Variants in COL22A1 observed in about 807,000 individuals in gnomAD.
COL22A1 encodes the protein collagen alpha-1(XXII) chain.
COL22A1 carries 221 observed loss-of-function variants against 248.9 expected under a neutral mutation model. The observed-to-expected ratio is 0.89, with a 90% confidence interval of 0.80 to 0.99. The LOEUF (loss-of-function observed/expected upper bound fraction) is 0.99, where lower values mean the gene tolerates loss of function less well. Ranked by LOEUF, COL22A1 falls within the 50% of genes least tolerant of loss-of-function variation. The pLI is 0.00. For synonymous variants in COL22A1, 891 were observed against 793.4 expected, an observed-to-expected ratio of 1.12 and a Z score of -2.07; for missense variants, 2,240 against 2,179.0, an observed-to-expected ratio of 1.03 and a Z score of -0.56.
At chr8:138,707,436 T>A (rs185565443) in intron 30 of COL22A1, among the ~76,000 whole-genome samples, 49 of 152,250 alleles carry the variant, frequency 3.2e-4, no homozygotes, top group African/African-American at 1.2e-3. Context: ...AGCTTATCCA[T>A]CATGATCAAA....
chr8:138,871,700 A>G (rs1236491217), intron 3 of COL22A1, among the ~76,000 whole-genome samples: 1 of 152,222 alleles, frequency 6.6e-6, no homozygotes, highest in East Asian at 1.9e-4. Flanking sequence ...TGAAAAAATA[A>G]GTCAATAATA....
At chr8:138,900,127 C>T (rs183616651) in intron 1 of COL22A1, among the ~76,000 whole-genome samples, 45 of 152,298 alleles carry the variant, frequency 3.0e-4, no homozygotes, top group African/African-American at 1.1e-3. Flanking sequence ...AAAGACTATA[C>T]CGCCCAGAAG....
chr8:138,877,778 C>G lies in COL22A1; in HGVS notation c.630G>C (p.Arg210=). 1.9e-6 allele frequency: 3 copies of G among 1,602,628 alleles called. No homozygotes were observed. Among genetic ancestry groups the G allele is most frequent in the Non-Finnish European group, 2.6e-6 (3 of 1,174,356 alleles). Residue 210 remains arginine (R), a synonymous_variant, in exon 3 of 65, where the codon CGG becomes CGC. Transcript: ENST00000303045. ...VSDFNAIDKI[R]GKLRRRLCEN... ...CACAAAGACGGCGCCGCAGCTTGCC[C>G]CGGATCTTGTCGATGGCATTGAAGT...
intron 10 of COL22A1, among the ~76,000 whole-genome samples, chr8:138,807,084 GA>G (rs1817789992): frequency 6.6e-6 from 1 of 152,194 alleles, no homozygotes; most frequent in East Asian, 1.9e-4. Flanking sequence ...AGAGAGAGAT[GA>G]AAAGAGATAC....
chr8:138,749,411 T>C (rs545751478), intron 22 of COL22A1, among the ~76,000 whole-genome samples: 1 of 152,346 alleles, frequency 6.6e-6, no homozygotes, highest in South Asian at 2.1e-4. Flanking sequence ...CATCTAACTC[T>C]ACTTTGGAAA....
At chr8:138,731,832 C>A (rs1563681638) in intron 23 of COL22A1, among the ~76,000 whole-genome samples, 1 of 152,144 alleles carries the variant, frequency 6.6e-6, no homozygotes, top group Non-Finnish European at 1.5e-5. Context: ...ACTTCAGCAT[C>A]TTCCATGGCC....
chr8:138,798,145 T>C (rs1291612789), intron 11 of COL22A1, among the ~76,000 whole-genome samples: 2 of 151,360 alleles, frequency 1.3e-5, no homozygotes, highest in Non-Finnish European at 3.0e-5. Context: ...TTTGTTGTTG[T>C]ACAAATAGGT....
In COL22A1 at chr8:138,604,144, G is replaced by A. The variant is rs139532696; in HGVS notation, c.4140+590C>T. On this transcript the variant is annotated intron_variant, in intron 59 of 64. Transcript: ENST00000303045. ...GAGCCCTTGGAAAAGAACTTGGCACGTCTCAGGAGCTAAGAGGCCAGTGAC... is the reference window on the plus strand; with the variant it reads ...GAGCCCTTGGAAAAGAACTTGGCACATCTCAGGAGCTAAGAGGCCAGTGAC... 1.5e-3 allele frequency among the ~76,000 whole-genome samples: 223 copies of A among 152,278 alleles called. 3 individuals carry two copies. The highest frequency in any genetic ancestry group is 0.013 in the Admixed American group (204 of 15,300).
chr8:138,734,107 A>C (rs1830923723), intron 23 of COL22A1, among the ~76,000 whole-genome samples: 1 of 152,168 alleles, frequency 6.6e-6, no homozygotes, highest in African/African-American at 2.4e-5. Flanking sequence ...TTCTGCCTCC[A>C]AACTGCCTCT....
intron 56 of COL22A1, among the ~76,000 whole-genome samples, chr8:138,609,456 T>C (rs1435383559): frequency 6.6e-6 from 1 of 152,052 alleles, no homozygotes; most frequent in Non-Finnish European, 1.5e-5. Context: ...CAGACGTCTT[T>C]CTCCCCATAT....
intron 60 of COL22A1, 38 bp downstream of exon 60, chr8:138,602,077 C>CGTTCGGCGTGTTCAAGGTGCT: frequency 6.2e-7 from 1 of 1,613,080 alleles, no homozygotes; most frequent in Non-Finnish European, 8.5e-7. Context: ...GCAAAGGTCG[C>CGTTCGGCGTGTTCAAGGTGCT]GTTCGGCGTG....
intron 47 of COL22A1, 28 bp downstream of exon 47, chr8:138,646,601 A>T: frequency 6.5e-7 from 1 of 1,545,992 alleles, no homozygotes; most frequent in Non-Finnish European, 8.8e-7. Context: ...GAATAGATCC[A>T]TGCAGATGGT....
At chr8:138,795,214 G>A (rs971627864) in intron 12 of COL22A1, among the ~76,000 whole-genome samples, 3 of 152,176 alleles carry the variant, frequency 2.0e-5, no homozygotes, top group African/African-American at 7.2e-5. Flanking sequence ...GTCGGGAGAT[G>A]GAGGCTCAAA....
intron 37 of COL22A1, among the ~76,000 whole-genome samples, chr8:138,686,286 T>A (rs1193953661): frequency 1.3e-5 from 2 of 152,052 alleles, no homozygotes; most frequent in African/African-American, 4.8e-5. Flanking sequence ...AGGCCAGTGC[T>A]TCATCTTCTC....
rs748343987 is a variant in COL22A1 at position 138,594,191 on chromosome 8, C to T, written c.4441G>A (p.Ala1481Thr). The T allele has an allele frequency of 2.7e-5, 43 of 1,569,826 alleles. No homozygotes were observed. The highest frequency in any genetic ancestry group is 4.7e-5 in the South Asian group (4 of 85,130). Residue 1481 changes from alanine to threonine, a missense_variant, in exon 63 of 65, where the codon GCC (alanine) becomes ACC (threonine). Ala to Thr is a moderately conservative substitution (Grantham distance 58). Transcript: ENST00000303045. ...GGGGGCATCTGGGCCAGGAGGTAGG[C>T]GAGTCTGGCTGTAAAGTAGAAAAAG... ...ELGKQLETRL[A>T]YLLAQMPPAY...
intron 1 of COL22A1, among the ~76,000 whole-genome samples, chr8:138,907,274 C>CCCTA (rs1405164294): frequency 6.6e-6 from 1 of 152,194 alleles, no homozygotes; most frequent in Non-Finnish European, 1.5e-5. Context: ...AGGATTAGTC[C>CCCTA]CCTACAAGGG....
chr8:138,744,656 T>A (rs969912560), intron 22 of COL22A1, among the ~76,000 whole-genome samples: 2 of 152,192 alleles, frequency 1.3e-5, no homozygotes, highest in Non-Finnish European at 2.9e-5. Flanking sequence ...ATTAGTAGAA[T>A]GGGATTAAAA....
At chr8:138,591,610 T>C in intron 63 of COL22A1, 109 bp from the exon 64 acceptor site, 1 of 760,242 alleles carries the variant, frequency 1.3e-6, no homozygotes, top group Non-Finnish European at 2.0e-6. Flanking sequence ...GCTGTGGCAT[T>C]CCAGTCTAAA....
intron 41 of COL22A1, among the ~76,000 whole-genome samples, chr8:138,664,646 A>G (rs1202882514): frequency 2.6e-5 from 4 of 152,022 alleles, no homozygotes; most frequent in African/African-American, 9.7e-5. Flanking sequence ...ACTCCTCTTC[A>G]CTGAATGGAC....
Sources: gnomAD v4.1 joint callset for allele counts (sites outside exome capture counted in the v4.1 genomes callset) on GRCh38, gnomAD v4.1.1 for gene constraint, MANE v1.5 for transcripts, NCBI Gene and HGNC (gene_info 2026-07-23, HGNC 2026-07-21) for gene names.